Variants in COL22A1 observed in about 807,000 individuals in gnomAD.
COL22A1 encodes the protein collagen alpha-1(XXII) chain.
Under a neutral mutation model 248.9 loss-of-function variants are expected in COL22A1, and 221 were observed. The ratio of observed to expected loss-of-function variants is 0.89; its 90% CI spans 0.80 to 0.99. The LOEUF is 0.99. Among genes scored for constraint, COL22A1 ranks in the 50% least tolerant of loss-of-function variants. COL22A1 has a pLI of 0.00. For missense variants in COL22A1, 2,240 were observed against 2,179.0 expected (o/e 1.03, Z -0.56); for synonymous variants, 891 against 793.4 (o/e 1.12, Z -2.07).
chr8:138,806,141 T>TGTGTGTGTG (rs1817685113), intron 10 of COL22A1, among the ~76,000 whole-genome samples: 1 of 62,244 alleles, frequency 1.6e-5, no homozygotes, highest in African/African-American at 8.2e-5. Context: ...TGTGTGGTGG[T>TGTGTGTGTG]GTGTGTGTGA....
Position 138,694,490 on chromosome 8 carries a change from A to G in COL22A1, c.2700+18T>C. On this transcript the variant is annotated intron_variant, in intron 34 of 64. Transcript: ENST00000303045. ...CTCCAAGTCTCTGAGCCAGCAGGGGAAGGGATGGTTTTCTTACCGGTGGTC... is the reference window on the plus strand; with the variant it reads ...CTCCAAGTCTCTGAGCCAGCAGGGGGAGGGATGGTTTTCTTACCGGTGGTC... The G allele has an allele frequency of 6.2e-7, 1 of 1,612,700 alleles. No individual in the cohort carries two copies. The highest frequency in any genetic ancestry group is 8.5e-7 in the Non-Finnish European group (1 of 1,178,912).
rs1279401948 is a variant in COL22A1, at chr8:138,690,817, T to C, written c.2808+4A>G. 1.2e-6 allele frequency: 2 copies of C among 1,608,698 alleles called. No individual in the cohort carries two copies. The highest frequency in any genetic ancestry group is 3.4e-5 in the Admixed American group (2 of 59,488). On this transcript the variant is annotated splice_donor_region_variant and intron_variant, in intron 36 of 64. Transcript: ENST00000303045. ...CGTGCGTATGCCCTCTCCCAATTAC[T>C]CACCACACTTCCTGGAGGGCCACTG...
chr8:138,838,566 A>G lies in COL22A1; in HGVS notation c.734-5416T>C, dbSNP rs148241797. On this transcript the variant is annotated intron_variant, in intron 4 of 64. Transcript: ENST00000303045. ...TTTTCAAAAAGCAAGCCTATGCTCT[A>G]CTTTCTGGTTCCACTTTTATTGGTT... Among the ~76,000 whole-genome samples, 49 of 152,108 alleles carry G rather than the reference A, an allele frequency of 3.2e-4. 1 individual carries two copies. In the East Asian group the frequency reaches 9.3e-3, roughly 29 times the overall value.
At chr8:138,762,236 C>T (rs959295261) in intron 17 of COL22A1, among the ~76,000 whole-genome samples, 177 bp downstream of exon 17, 18 of 152,126 alleles carry the variant, frequency 1.2e-4, no homozygotes, top group Non-Finnish European at 1.9e-4. Flanking sequence ...CTCTGGGGTT[C>T]GCAGAGTCAA....
intron 59 of COL22A1, among the ~76,000 whole-genome samples, chr8:138,604,169 C>G (rs895130608): frequency 1.3e-5 from 2 of 152,118 alleles, no homozygotes; most frequent in African/African-American, 4.8e-5. Context: ...AGGCCAGTGA[C>G]TAGAGCTTAG....
At chr8:138,750,788 C>T (rs546093276) in intron 22 of COL22A1, among the ~76,000 whole-genome samples, 2 of 152,286 alleles carry the variant, frequency 1.3e-5, no homozygotes, top group Non-Finnish European at 1.5e-5. Flanking sequence ...GAGCTGACTT[C>T]CTGCCCTGTG....
intron 56 of COL22A1, among the ~76,000 whole-genome samples, chr8:138,612,284 G>A (rs1372047693): frequency 6.6e-6 from 1 of 152,124 alleles, no homozygotes; most frequent in Admixed American, 6.5e-5. Context: ...CTGCCTTTCT[G>A]TGATGGCCCC....
At chr8:138,632,159 G>C (rs1327169678) in intron 49 of COL22A1, among the ~76,000 whole-genome samples, 1 of 152,122 alleles carries the variant, frequency 6.6e-6, no homozygotes, top group Non-Finnish European at 1.5e-5. Context: ...GGAGCAATGC[G>C]GCAATGCTTA....
chr8:138,657,204 C>T (rs1268071497), intron 44 of COL22A1, among the ~76,000 whole-genome samples: 1 of 152,214 alleles, frequency 6.6e-6, no homozygotes, highest in Non-Finnish European at 1.5e-5. Flanking sequence ...AAAGCCAAGG[C>T]CAACACCTCC....
At chr8:138,765,699 C>T (rs943336604) in intron 16 of COL22A1, among the ~76,000 whole-genome samples, 19 of 152,334 alleles carry the variant, frequency 1.2e-4, no homozygotes, top group African/African-American at 3.8e-4. Flanking sequence ...GGTGTGGTCA[C>T]GCCCAGAGAA....
chr8:138,883,266 T>TA, intron 1 of COL22A1, 22 bp from the exon 2 acceptor site: 1 of 1,249,516 alleles, frequency 8.0e-7, no homozygotes, highest in East Asian at 2.6e-5. Flanking sequence ...AAGACACCCT[T>TA]AGAGAAGGCT....
At chr8:138,654,620 A>G (rs935885752) in intron 45 of COL22A1, among the ~76,000 whole-genome samples, 1 of 152,180 alleles carries the variant, frequency 6.6e-6, no homozygotes, top group South Asian at 2.1e-4. Flanking sequence ...AAGTACAGAC[A>G]GCAGAAGGGG....
intron 23 of COL22A1, among the ~76,000 whole-genome samples, chr8:138,731,980 C>T (rs975547666): frequency 6.6e-6 from 1 of 152,150 alleles, no homozygotes; most frequent in African/African-American, 2.4e-5. Context: ...TCAAACAGAA[C>T]AGCCATTTGA....
intron 30 of COL22A1, among the ~76,000 whole-genome samples, chr8:138,706,686 G>A (rs889943300): frequency 1.3e-5 from 2 of 152,166 alleles, no homozygotes; most frequent in Non-Finnish European, 2.9e-5. Flanking sequence ...GAGAAAGCAG[G>A]AAAGATCTAA....
chr8:138,828,078 G>A (rs1729935425), intron 5 of COL22A1: 4 of 150,504 alleles, frequency 2.7e-5, no homozygotes, highest in African/African-American at 9.8e-5. Flanking sequence ...TCCTCGTGAG[G>A]TCCCTGGTGA....
At chr8:138,812,792 C>T (rs1048788292) in intron 8 of COL22A1, 147 bp downstream of exon 8, 18 of 677,874 alleles carry the variant, frequency 2.7e-5, no homozygotes, top group African/African-American at 2.7e-4. Context: ...TCCCCCAGCC[C>T]ATACCCTAAG....
chr8:138,860,838 C>T (rs79674305), intron 3 of COL22A1, among the ~76,000 whole-genome samples: 175 of 152,242 alleles, frequency 1.1e-3, no homozygotes, highest in Middle Eastern at 3.4e-3. Flanking sequence ...CACTTTCTCC[C>T]GCACCACTGT....
chr8:138,604,859 G>A, intron 58 of COL22A1, 90 bp from the exon 59 acceptor site: 1 of 1,105,350 alleles, frequency 9.0e-7, no homozygotes. Flanking sequence ...TTCCACTCAA[G>A]TCATGTTCCA....
At chr8:138,821,606 A>G (rs1819140914) in intron 6 of COL22A1, among the ~76,000 whole-genome samples, 195 bp from the exon 7 acceptor site, 1 of 152,166 alleles carries the variant, frequency 6.6e-6, no homozygotes, top group South Asian at 2.1e-4. Context: ...TCCTCCTCGC[A>G]CAATGGTGTT....
Sources: allele counts gnomAD v4.1 joint callset (sites outside exome capture counted in the v4.1 genomes callset), GRCh38; gene constraint gnomAD v4.1.1; transcripts MANE v1.5; gene names NCBI Gene and HGNC (gene_info 2026-07-23, HGNC 2026-07-21).